Variants in RAI2 observed in about 807,000 individuals in gnomAD.
The protein encoded by RAI2 is retinoic acid-induced protein 2.
Under a neutral mutation model 15.3 loss-of-function variants are expected in RAI2, and 5 were observed. That is an observed-to-expected ratio of 0.33 (90% confidence interval 0.17 to 0.69). RAI2 has a LOEUF of 0.69. RAI2 is among the 30% of genes least tolerant of loss of function. The pLI, the probability that RAI2 is intolerant of heterozygous loss-of-function variation, is 0.69. For missense variants in RAI2, 424 were observed against 424.7 expected, an observed-to-expected ratio of 1.00 and a Z score of 0.01; for synonymous variants, 191 against 184.0, an observed-to-expected ratio of 1.04 and a Z score of -0.31.
intron 1 of RAI2, among the ~76,000 whole-genome samples, chrX:17,828,590 C>T (rs2067250569): frequency 8.9e-6 from 1 of 112,150 alleles, no homozygotes; most frequent in Admixed American, 9.4e-5. Flanking sequence ...TAGAACTGTG[C>T]TACTCCTCCA....
intron 1 of RAI2, among the ~76,000 whole-genome samples, chrX:17,839,237 G>A (rs771574272): frequency 8.9e-6 from 1 of 112,286 alleles, no homozygotes; most frequent in African/African-American, 3.2e-5. Flanking sequence ...GAACCCTGCA[G>A]CGACATCTAT....
At chrX:17,841,916 A>G (rs930314249) in intron 1 of RAI2, among the ~76,000 whole-genome samples, 33 of 112,652 alleles carry the variant, frequency 2.9e-4, no homozygotes, top group Admixed American at 2.4e-3. Context: ...GGCTCATTAG[A>G]TGAAACGACT....
chrX:17,836,538 T>C (rs901333309), intron 1 of RAI2, among the ~76,000 whole-genome samples: 2 of 112,052 alleles, frequency 1.8e-5, no homozygotes, highest in Middle Eastern at 4.2e-3. Context: ...GAGTATGACT[T>C]CTGCACCATT....
intron 1 of RAI2, among the ~76,000 whole-genome samples, chrX:17,852,222 A>G (rs921583977): frequency 4.5e-5 from 5 of 112,016 alleles, no homozygotes; most frequent in Admixed American, 3.8e-4. Context: ...CTCTCTCTTC[A>G]TGGCGACAAG....
At chrX:17,805,153 G>C (rs971035295) in intron 1 of RAI2, among the ~76,000 whole-genome samples, 1 of 112,728 alleles carries the variant, frequency 8.9e-6, no homozygotes, top group Non-Finnish European at 1.9e-5. Flanking sequence ...GCTTCCCTTC[G>C]ACTGGGAGAG....
At chrX:17,802,117 G>C in intron 1 of RAI2, 83 bp from the exon 2 acceptor site, 3 of 1,075,308 alleles carry the variant, frequency 2.8e-6, no homozygotes, top group Non-Finnish European at 3.7e-6. Context: ...TCTTTAGAAA[G>C]TTTCCACGTT....
chrX:17,855,403 T>G (rs934286814), intron 1 of RAI2, among the ~76,000 whole-genome samples: 15 of 111,020 alleles, frequency 1.4e-4, no homozygotes, highest in Non-Finnish European at 7.5e-5. Flanking sequence ...GTGGGGTGGG[T>G]GGGGTCGAGG....
At chrX:17,841,052 A>G (rs1243699457) in intron 1 of RAI2, among the ~76,000 whole-genome samples, 1 of 112,097 alleles carries the variant, frequency 8.9e-6, no homozygotes, top group Non-Finnish European at 1.9e-5. Context: ...TGATGCTCAA[A>G]GAAGTCTTTG....
Position 17,801,893 on chromosome X carries a change from TG to T in RAI2, c.117del (p.Asn39LysfsTer8). The T allele has an allele frequency of 8.3e-7, 1 of 1,210,918 alleles. No individual in the cohort carries two copies. The highest frequency in any genetic ancestry group is 1.1e-6 in the Non-Finnish European group (1 of 895,296). On this transcript the variant is annotated frameshift_variant, in exon 2 of 2. Coordinates refer to ENST00000451717, the MANE Select transcript of RAI2 (RefSeq NM_021785.6). LOFTEE classifies it high-confidence loss of function. The part of the protein sequence containing the change: ...MAQLITTEAW[N>X]INSTDLVKKA... ...TTCTTTACCAGGTCAGTGGAGTTGA[TG>T]TTCCAGGCCTCGGTGGTGATCAGCT...
chrX:17,852,230 A>T (rs190746912), intron 1 of RAI2, among the ~76,000 whole-genome samples: 1 of 112,170 alleles, frequency 8.9e-6, no homozygotes, highest in African/African-American at 3.2e-5. Flanking sequence ...TCATGGCGAC[A>T]AGGAAGACTT....
intron 1 of RAI2, among the ~76,000 whole-genome samples, chrX:17,807,566 C>T (rs1477841148): frequency 9.0e-6 from 1 of 111,411 alleles, no homozygotes; most frequent in East Asian, 2.8e-4. Flanking sequence ...TAAGCTGCAA[C>T]TCAAAAAGGC....
intron 1 of RAI2, among the ~76,000 whole-genome samples, chrX:17,820,871 C>A (rs1276879859): frequency 9.1e-6 from 1 of 109,350 alleles, no homozygotes; most frequent in Non-Finnish European, 1.9e-5. Flanking sequence ...TCCTCTCCAG[C>A]CAAATCAGCA....
chrX:17,811,373 C>T (rs1212922345), intron 1 of RAI2, among the ~76,000 whole-genome samples: 2 of 112,113 alleles, frequency 1.8e-5, no homozygotes, highest in Non-Finnish European at 3.8e-5. Flanking sequence ...CTGGAACAGC[C>T]ATCTCATGCA....
At chrX:17,860,652 CG>C (rs1205356310) in intron 1 of RAI2, 1 of 112,466 alleles carries the variant, frequency 8.9e-6, no homozygotes, top group Non-Finnish European at 1.9e-5. Flanking sequence ...TGGAAGGCGC[CG>C]GGTTTTCCGG....
intron 1 of RAI2, among the ~76,000 whole-genome samples, chrX:17,838,344 TA>T (rs780496549): frequency 8.9e-6 from 1 of 111,949 alleles, no homozygotes; most frequent in African/African-American, 3.2e-5. Flanking sequence ...TACACCTCTA[TA>T]AAAAGGTAAG....
chrX:17,809,736 T>G (rs1461811843), intron 1 of RAI2, among the ~76,000 whole-genome samples: 1 of 110,501 alleles, frequency 9.0e-6, no homozygotes, highest in Non-Finnish European at 1.9e-5. Flanking sequence ...CCTTAACAAG[T>G]CTTAGTGTTA....
intron 1 of RAI2, among the ~76,000 whole-genome samples, chrX:17,839,096 G>A (rs1195489827): frequency 8.9e-6 from 1 of 111,860 alleles, no homozygotes; most frequent in Non-Finnish European, 1.9e-5. Flanking sequence ...CAGAGTGCAC[G>A]CAGCTGTGCC....
chrX:17,853,676 T>TA (rs35206820), intron 1 of RAI2, among the ~76,000 whole-genome samples: 12 of 110,735 alleles, frequency 1.1e-4, no homozygotes, highest in Non-Finnish European at 1.7e-4. Flanking sequence ...ATTTTTTTTT[T>TA]AAAAAAAGGG....
At chrX:17,803,989 C>G (rs1444518033) in intron 1 of RAI2, among the ~76,000 whole-genome samples, 1 of 106,440 alleles carries the variant, frequency 9.4e-6, no homozygotes, top group Non-Finnish European at 1.9e-5. Context: ...AGAGGGAGTC[C>G]TGCTCTGCAG....
Sources: gnomAD v4.1 joint callset for allele counts (sites outside exome capture counted in the v4.1 genomes callset) on GRCh38, gnomAD v4.1.1 for gene constraint, MANE v1.5 for transcripts, NCBI Gene and HGNC (gene_info 2026-07-23, HGNC 2026-07-21) for gene names.